The following RWDD2A variants were observed in gnomAD, a reference collection of about 807,000 sequenced individuals.
RWDD2A encodes the protein RWD domain containing 2A.
Under a neutral mutation model 23.1 loss-of-function variants are expected in RWDD2A, and 15 were observed. The ratio of observed to expected loss-of-function variants is 0.65; its 90% confidence interval spans 0.43 to 1.00. The LOEUF (loss-of-function observed/expected upper bound fraction) is 1.00, where lower values mean the gene tolerates loss of function less well. RWDD2A is among the 50% of genes least tolerant of loss of function. The pLI, the probability that RWDD2A is intolerant of heterozygous loss-of-function variation, is 0.00. For missense variants in RWDD2A, 310 were observed against 341.7 expected (o/e 0.91, Z 0.73); for synonymous variants, 103 against 123.0 (o/e 0.84, Z 1.08).
rs1045213986 is a variant in RWDD2A, at chr6:83,195,861, C to T, written c.468C>T (p.Leu156=). 3 of 1,614,048 alleles carry T rather than the reference C, an allele frequency of 1.9e-6. No individual in the cohort carries two copies. The African/African-American group carries it at 4.0e-5, about 22-fold the overall frequency. The change falls in exon 3 of 3, where the codon CTC becomes CTT. Residue 156 remains leucine (L), a synonymous_variant. Coordinates refer to ENST00000369724, the MANE Select transcript of RWDD2A (RefSeq NM_033411.5). ...TQAKPVKNTF[L]RMWIYSHHIY... ...CAAAGCCAGTCAAGAACACATTCCT[C>T]CGAATGTGGATCTACAGTCACCATA...
Position 83,198,387 on chromosome 6 carries a change from C to A in RWDD2A, c.*2115C>A, listed in dbSNP as rs1789673033. 6.6e-6 allele frequency: 1 copy of A among 152,032 alleles called. No homozygotes were observed. Among genetic ancestry groups the A allele is most frequent in the East Asian group, 1.9e-4 (1 of 5,200 alleles). The allele number at this position is 152,032 out of a possible 1,614,324, so 9.4% of individuals were successfully genotyped here. A position where few individuals can be genotyped will look rare whatever the true frequency, so the allele number is the denominator to read the frequency against. ...AGTCTAATTTGAGCATTCTGCAATA[C>A]TTTTTTTCCTATCAGGAAAACTAAT... On this transcript the variant is annotated 3_prime_UTR_variant, in exon 3 of 3. Transcript: ENST00000369724.
chr6:83,197,265 C>A lies in RWDD2A; in HGVS notation c.*993C>A, dbSNP rs561014629. 19 of 152,204 alleles carry A rather than the reference C, an allele frequency of 1.2e-4. No homozygotes were observed. Among genetic ancestry groups the A allele is most frequent in the Middle Eastern group, 6.8e-3 (2 of 294 alleles). 9.4% of individuals were successfully genotyped at this position (152,204 alleles called of 1,614,324 possible). On this transcript the variant is annotated 3_prime_UTR_variant, in exon 3 of 3. Transcript: ENST00000369724. Reference sequence around the variant, plus strand: ...TTTGCCTGTGTGCCAGTATGCATTACTATAAAGGGCAAGAGACTGTTGAGG... The same window carrying A: ...TTTGCCTGTGTGCCAGTATGCATTAATATAAAGGGCAAGAGACTGTTGAGG...
intron 1 of RWDD2A, 30 bp from the exon 2 acceptor site, chr6:83,194,282 A>G: frequency 1.7e-6 from 1 of 595,330 alleles, no homozygotes; most frequent in East Asian, 2.8e-5. Context: ...GAAATAAAGA[A>G]GAGTGCAAGT....
Position 83,194,571 on chromosome 6 carries a change from A to G in RWDD2A, c.120A>G (p.Ile40Met). ...AAGATGTAAATGCCCTGACGAATAT[A>G]AAGAGGTATTTGGAAGGCACAAGGG... ...KLEDVNALTN[I>M]KRYLEGTREA... The change falls in exon 2 of 3, where the codon ATA (isoleucine) becomes ATG (methionine). Residue 40 changes from isoleucine (I) to methionine (M), a missense_variant. Transcript: ENST00000369724. The G allele has an allele frequency of 1.2e-6, 2 of 1,614,162 alleles. No individual in the cohort carries two copies. The highest frequency in any genetic ancestry group is 1.7e-5 in the Admixed American group (1 of 60,016).
At position 83,194,593 on chromosome 6, in the gene RWDD2A, A is replaced by G; in HGVS notation, c.142A>G (p.Arg48Gly). Residue 48 changes from arginine to glycine, a missense_variant, in exon 2 of 3, where the codon AGG becomes GGG. Transcript: ENST00000369724. Reference protein sequence around the residue: ...TNIKRYLEGTREALPPKIEFV... With the variant: ...TNIKRYLEGTGEALPPKIEFV... ...TATAAAGAGGTATTTGGAAGGCACA[A>G]GGGAGGCGCTGCCACCAAAAATCGA... is the stretch of plus-strand genomic sequence containing the variant. The G allele has an allele frequency of 6.2e-7, 1 of 1,614,198 alleles. No individual in the cohort carries two copies. Among genetic ancestry groups the G allele is most frequent in the Non-Finnish European group, 8.5e-7 (1 of 1,180,018 alleles).
chr6:83,196,167 C>T lies in RWDD2A; in HGVS notation c.774C>T (p.Asp258=). 5 of 1,613,506 alleles carry T rather than the reference C, an allele frequency of 3.1e-6. No individual in the cohort carries two copies. Among genetic ancestry groups the T allele is most frequent in the Non-Finnish European group, 4.2e-6 (5 of 1,179,822 alleles). The change falls in exon 3 of 3, where the codon GAC becomes GAT. Residue 258 remains aspartate (D), a synonymous_variant. Transcript: ENST00000369724. ...EAHGDYGLRN[D]YHMNLGQFLE... is the part of the protein sequence containing the mutation. ...ATGGTGACTATGGATTAAGGAATGA[C>T]TATCACATGAATCTGGGCCAATTCT...
At chr6:83,194,752 G>A in intron 2 of RWDD2A, 100 bp downstream of exon 2, 1 of 865,808 alleles carries the variant, frequency 1.2e-6, no homozygotes, top group Non-Finnish European at 1.8e-6. Flanking sequence ...TATTCCAGGT[G>A]CATATTTCCT....
Position 83,195,777 on chromosome 6 carries a change from G to C in RWDD2A, c.384G>C (p.Gln128His), listed in dbSNP as rs1171093188. Residue 128 changes from glutamine (Q) to histidine (H), a missense_variant, in exon 3 of 3, where the codon CAG becomes CAC. Physicochemically the swap from Gln to His is conservative, Grantham distance 24. Coordinates refer to ENST00000369724, the MANE Select transcript of RWDD2A (RefSeq NM_033411.5). ...TATGTGCAGCAATCCAGTGGCTACAGGACAACAGTGCATCTTATTTCCTGA... is the reference window on the plus strand; with the variant it reads ...TATGTGCAGCAATCCAGTGGCTACACGACAACAGTGCATCTTATTTCCTGA... ...LCVCAAIQWL[Q>H]DNSASYFLNR... 3 of 1,614,156 alleles carry C rather than the reference G, an allele frequency of 1.9e-6. No individual in the cohort carries two copies. The highest frequency in any genetic ancestry group is 2.5e-6 in the Non-Finnish European group (3 of 1,180,026).
chr6:83,194,431 G>A lies in RWDD2A; in HGVS notation c.-21G>A. The A allele has an allele frequency of 6.2e-7, 1 of 1,610,190 alleles. No individual in the cohort carries two copies. The highest frequency in any genetic ancestry group is 8.5e-7 in the Non-Finnish European group (1 of 1,178,052). The stretch of plus-strand genomic sequence containing the variant: ...TCCCTGAGCCTTGTGAGGTTTCCAG[G>A]CAGGCTGATTGCGAGGCAACATGTC... On this transcript the variant is annotated 5_prime_UTR_variant, in exon 2 of 3. Coordinates refer to ENST00000369724, the MANE Select transcript of RWDD2A (RefSeq NM_033411.5).
At position 83,196,112 on chromosome 6, in the gene RWDD2A, A is replaced by G; in HGVS notation, c.719A>G (p.His240Arg). 5 of 1,613,924 alleles carry G rather than the reference A, an allele frequency of 3.1e-6. No individual in the cohort carries two copies. In the South Asian group the frequency reaches 4.4e-5, roughly 14 times the overall value. Residue 240 changes from histidine to arginine, a missense_variant, in exon 3 of 3, where the codon CAT becomes CGT. His to Arg is a conservative substitution (Grantham distance 29, BLOSUM62 0). Transcript: ENST00000369724. ...EGNGEDLRLF[H>R]SFEELLLEAH... Reference sequence around the variant, plus strand: ...AATGGTGAGGACCTGCGCCTTTTCCATTCTTTTGAAGAGTTACTCCTTGAG... The same window carrying G: ...AATGGTGAGGACCTGCGCCTTTTCCGTTCTTTTGAAGAGTTACTCCTTGAG...
rs1351273697 is a variant in RWDD2A, at chr6:83,196,065, T to C, written c.672T>C (p.Ala224=). 1 of 1,613,730 alleles carries C rather than the reference T, an allele frequency of 6.2e-7. No homozygotes were observed. The highest frequency in any genetic ancestry group is 1.1e-5 in the South Asian group (1 of 91,026). ...PNWKHISCKH[A]ESVETEGNGE... ...GGAAGCACATTTCCTGTAAGCATGC[T>C]GAAAGCGTGGAGACAGAAGGAAATG... The change falls in exon 3 of 3, where the codon GCT becomes GCC. Residue 224 remains alanine (A), a synonymous_variant. Coordinates refer to ENST00000369724, the MANE Select transcript of RWDD2A (RefSeq NM_033411.5).
Position 83,194,548 on chromosome 6 carries a change from G to C in RWDD2A, c.97G>C (p.Asp33His). ...FPNQGEVKLE[D>H]VNALTNIKRY... ...TAACCAAGGAGAAGTAAAACTTGAA[G>C]ATGTAAATGCCCTGACGAATATAAA... is the stretch of plus-strand genomic sequence containing the variant. The change falls in exon 2 of 3, where the codon GAT becomes CAT. Residue 33 changes from aspartate (D) to histidine (H), a missense_variant. Physicochemically the swap from Asp to His is moderately conservative, Grantham distance 81 (BLOSUM62 -1). Transcript: ENST00000369724. 1.2e-6 allele frequency: 2 copies of C among 1,614,108 alleles called. No homozygotes were observed. Among genetic ancestry groups the C allele is most frequent in the Admixed American group, 3.3e-5 (2 of 60,012 alleles).
In RWDD2A at chr6:83,198,276, A is replaced by C. The variant is rs1353728402; in HGVS notation, c.*2004A>C. ...AGTAGCTACAGAAAGATGGGTGTAA[A>C]GAAAAGGCAATAAATTCTAGGTTAT... On this transcript the variant is annotated 3_prime_UTR_variant, in exon 3 of 3. Coordinates refer to ENST00000369724, the MANE Select transcript of RWDD2A (RefSeq NM_033411.5). 1 of 152,174 alleles carries C rather than the reference A, an allele frequency of 6.6e-6. No individual in the cohort carries two copies. Among genetic ancestry groups the C allele is most frequent in the Non-Finnish European group, 1.5e-5 (1 of 68,022 alleles). 9.4% of individuals were successfully genotyped at this position (152,174 alleles called of 1,614,324 possible).
Position 83,197,988 on chromosome 6 carries a change from C to G in RWDD2A, c.*1716C>G, listed in dbSNP as rs1789656568. On this transcript the variant is annotated 3_prime_UTR_variant, in exon 3 of 3. Coordinates refer to ENST00000369724, the MANE Select transcript of RWDD2A (RefSeq NM_033411.5). ...TCCTAGCCTTGGTTGTGCTGGAACT[C>G]AGGCTGGAGCCTGACACTTTGCCTA... The G allele has an allele frequency of 6.6e-6, 1 of 152,218 alleles. No individual in the cohort carries two copies. Among genetic ancestry groups the G allele is most frequent in the South Asian group, 2.1e-4 (1 of 4,834 alleles). 9.4% of individuals were successfully genotyped at this position (152,218 alleles called of 1,614,324 possible).
In RWDD2A at chr6:83,196,169, A is replaced by G; in HGVS notation, c.776A>G (p.Tyr259Cys). 1.2e-6 allele frequency: 2 copies of G among 1,613,444 alleles called. No individual in the cohort carries two copies. The highest frequency in any genetic ancestry group is 1.7e-6 in the Non-Finnish European group (2 of 1,179,802). ...GGTGACTATGGATTAAGGAATGACT[A>G]TCACATGAATCTGGGCCAATTCTTA... ...AHGDYGLRNDYHMNLGQFLEF... is the reference protein window; with the variant it reads ...AHGDYGLRNDCHMNLGQFLEF... The change falls in exon 3 of 3, where the codon TAT becomes TGT. Residue 259 changes from tyrosine (Y) to cysteine (C), a missense_variant. Coordinates refer to ENST00000369724, the MANE Select transcript of RWDD2A (RefSeq NM_033411.5).
chr6:83,195,446 AATAATGC>A, intron 2 of RWDD2A, 142 bp from the exon 3 acceptor site: 1 of 675,522 alleles, frequency 1.5e-6, no homozygotes, highest in Non-Finnish European at 2.4e-6. Context: ...TAAATATTGA[AATAATGC>A]ATAAAAGGAA....
Position 83,196,491 on chromosome 6 carries a change from C to T in RWDD2A, c.*219C>T. 1 of 323,504 alleles carries T rather than the reference C, an allele frequency of 3.1e-6. No individual in the cohort carries two copies. The highest frequency in any genetic ancestry group is 5.6e-6 in the Non-Finnish European group (1 of 180,020). 20.0% of individuals were successfully genotyped at this position (323,504 alleles called of 1,614,324 possible). A position where few individuals can be genotyped will look rare whatever the true frequency, so the allele number is the denominator to read the frequency against. ...TTATCTCTAGGTTTTTGTGTGAAGT[C>T]ATTCAAAAACTATTTCATTGTAAAT... On this transcript the variant is annotated 3_prime_UTR_variant, in exon 3 of 3. Transcript: ENST00000369724.
rs1789643955 is a variant in RWDD2A, at chr6:83,197,615, A to G, written c.*1343A>G. On this transcript the variant is annotated 3_prime_UTR_variant, in exon 3 of 3. Coordinates refer to ENST00000369724, the MANE Select transcript of RWDD2A (RefSeq NM_033411.5). ...TTCCCGGGAGGCATTCCATTCTCCTACTGGGTCCTCTCAAGATGCCAAAGC... is the reference window on the plus strand; with the variant it reads ...TTCCCGGGAGGCATTCCATTCTCCTGCTGGGTCCTCTCAAGATGCCAAAGC... 1.3e-5 allele frequency: 2 copies of G among 152,258 alleles called. No homozygotes were observed. Among genetic ancestry groups the G allele is most frequent in the South Asian group, 4.1e-4 (2 of 4,834 alleles). 9.4% of individuals were successfully genotyped at this position (152,258 alleles called of 1,614,324 possible).
At position 83,194,396 on chromosome 6, in the gene RWDD2A, A is replaced by C; in HGVS notation, c.-56A>C. On this transcript the variant is annotated 5_prime_UTR_variant, in exon 2 of 3. Transcript: ENST00000369724. Reference sequence around the variant, plus strand: ...TCGCTGGATACCGGCTGGCATTGACAAACCCAGCGTCCCTGAGCCTTGTGA... The same window carrying C: ...TCGCTGGATACCGGCTGGCATTGACCAACCCAGCGTCCCTGAGCCTTGTGA... 1 of 1,540,042 alleles carries C rather than the reference A, an allele frequency of 6.5e-7. No homozygotes were observed.
Sources: allele counts gnomAD v4.1 joint callset, GRCh38; gene constraint gnomAD v4.1.1; transcripts MANE v1.5; gene names NCBI Gene and HGNC (gene_info 2026-07-23, HGNC 2026-07-21).